The following ADCY5 variants were observed in gnomAD, a reference collection of about 807,000 sequenced individuals.
ADCY5 encodes the protein adenylate cyclase 5.
Under a neutral mutation model 119.7 loss-of-function variants are expected in ADCY5, and 30 were observed. The observed-to-expected ratio is 0.25, with a 90% CI of 0.19 to 0.34. The LOEUF (loss-of-function observed/expected upper bound fraction) is 0.34. Among genes scored for constraint, ADCY5 ranks in the 10% least tolerant of loss-of-function variants. ADCY5 has a pLI of 1.00. For synonymous variants in ADCY5, 753 were observed against 762.2 expected (o/e 0.99, Z 0.20); for missense variants, 1,324 against 1,775.2 (o/e 0.75, Z 4.57).
intron 1 of ADCY5, among the ~76,000 whole-genome samples, chr3:123,415,175 C>T (rs977455204): frequency 2.6e-5 from 4 of 152,164 alleles, no homozygotes; most frequent in African/African-American, 4.8e-5. Context: ...TCTGTAAACA[C>T]GGCTTAGGTT....
chr3:123,368,752 CAAA>C (rs34756449), intron 1 of ADCY5, among the ~76,000 whole-genome samples: 18 of 134,232 alleles, frequency 1.3e-4, no homozygotes, highest in African/African-American at 3.8e-4. Context: ...ACTGTGTCTC[CAAA>C]AAAAAAAAAA....
At chr3:123,443,783 G>T (rs895740307) in intron 1 of ADCY5, among the ~76,000 whole-genome samples, 1 of 152,150 alleles carries the variant, frequency 6.6e-6, no homozygotes, top group African/African-American at 2.4e-5. Context: ...ACCCATGCGG[G>T]GTCAGAATCT....
At chr3:123,312,951 C>T (rs1940665961) in intron 12 of ADCY5, among the ~76,000 whole-genome samples, 2 of 139,844 alleles carry the variant, frequency 1.4e-5, no homozygotes, top group South Asian at 2.1e-4. Flanking sequence ...GCAGGAGTGG[C>T]TGAACATGGG....
At chr3:123,368,663 G>T (rs1943534959) in intron 1 of ADCY5, among the ~76,000 whole-genome samples, 1 of 151,334 alleles carries the variant, frequency 6.6e-6, no homozygotes, top group African/African-American at 2.4e-5. Flanking sequence ...GAGGTGGGAG[G>T]ATTGCTTGAA....
chr3:123,418,453 C>T (rs1945231082), intron 1 of ADCY5, among the ~76,000 whole-genome samples: 1 of 152,174 alleles, frequency 6.6e-6, no homozygotes, highest in African/African-American at 2.4e-5. Context: ...AAGCATAGCA[C>T]CAGCATCTGC....
chr3:123,322,557 C>T (rs1415184289), intron 8 of ADCY5, among the ~76,000 whole-genome samples: 1 of 152,084 alleles, frequency 6.6e-6, no homozygotes, highest in Non-Finnish European at 1.5e-5. Flanking sequence ...ACAACAGAGC[C>T]GACTGGGCTC....
chr3:123,413,863 G>T (rs978863736), intron 1 of ADCY5, among the ~76,000 whole-genome samples: 1 of 152,114 alleles, frequency 6.6e-6, no homozygotes, highest in Admixed American at 6.5e-5. Flanking sequence ...ACAAAGGGGT[G>T]GGGGGGCTGC....
At chr3:123,354,376 T>C (rs1008767689) in intron 1 of ADCY5, among the ~76,000 whole-genome samples, 1 of 152,144 alleles carries the variant, frequency 6.6e-6, no homozygotes, top group African/African-American at 2.4e-5. Flanking sequence ...AAGACCTGCG[T>C]GTGGCTGGGA....
chr3:123,298,381 G>T (rs900428372), intron 15 of ADCY5, among the ~76,000 whole-genome samples: 1 of 152,192 alleles, frequency 6.6e-6, no homozygotes, highest in Non-Finnish European at 1.5e-5. Flanking sequence ...CGCCTGAAGA[G>T]GAGATGCTGA....
chr3:123,375,406 G>A (rs1576638134), intron 1 of ADCY5, among the ~76,000 whole-genome samples: 1 of 152,380 alleles, frequency 6.6e-6, no homozygotes, highest in South Asian at 2.1e-4. Flanking sequence ...GGCACTGGCA[G>A]GGCATGCTTC....
chr3:123,335,999 C>A (rs1233416675), intron 3 of ADCY5, among the ~76,000 whole-genome samples: 1 of 152,230 alleles, frequency 6.6e-6, no homozygotes, highest in Admixed American at 6.5e-5. Context: ...CAGGCCCTAT[C>A]CTGCCAGGCC....
rs530034709 is a variant in ADCY5, at chr3:123,293,230, C to T, written c.3064-1854G>A. Among the ~76,000 whole-genome samples the T allele has an allele frequency of 2.4e-4, 36 of 152,318 alleles. No individual in the cohort carries two copies. In the South Asian group the frequency reaches 4.6e-3, roughly 19 times the overall value. On this transcript the variant is annotated intron_variant, in intron 17 of 20. Coordinates refer to ENST00000462833, the MANE Select transcript of ADCY5 (RefSeq NM_183357.3). ...TTAGGCTAGGAGGGGGCCAGGCAGG[C>T]GCTAGGCGGGTCAGAGTGTGTTCCT...
intron 2 of ADCY5, among the ~76,000 whole-genome samples, chr3:123,349,440 G>A (rs1232109404): frequency 1.3e-5 from 2 of 151,972 alleles, no homozygotes; most frequent in Non-Finnish European, 2.9e-5. Flanking sequence ...TGCAGTTCTC[G>A]CCTGGCTCTT....
intron 1 of ADCY5, 71 bp downstream of exon 1, chr3:123,447,341 C>A (rs906479435): frequency 5.7e-6 from 8 of 1,399,796 alleles, no homozygotes; most frequent in African/African-American, 4.3e-5. Flanking sequence ...AGGGTGGGAT[C>A]CCTTTCTTTG....
At position 123,296,173 on chromosome 3, in the gene ADCY5, T is replaced by C. The variant is rs1179297295; in HGVS notation, c.2974A>G (p.Ile992Val). The C allele has an allele frequency of 1.2e-6, 2 of 1,613,922 alleles. No individual in the cohort carries two copies. The highest frequency in any genetic ancestry group is 8.5e-7 in the Non-Finnish European group (1 of 1,179,958). ...TKVALKVVTP[I>V]IISVFVLALY... Reference sequence around the variant, plus strand: ...GCCAGCACAAAGACTGAGATGATGATGGGCGTCACCACCTTCAATGCCACC... The same window carrying C: ...GCCAGCACAAAGACTGAGATGATGACGGGCGTCACCACCTTCAATGCCACC... Residue 992 changes from isoleucine (I) to valine (V), a missense_variant, in exon 17 of 21, where the codon ATC (isoleucine) becomes GTC (valine). This residue lies in a region of ADCY5 where 424 missense variants were observed against 546.8 expected (regional missense o/e 0.78). Coordinates refer to ENST00000462833, the MANE Select transcript of ADCY5 (RefSeq NM_183357.3).
intron 1 of ADCY5, among the ~76,000 whole-genome samples, chr3:123,367,206 A>G (rs1943474208): frequency 6.6e-6 from 1 of 152,310 alleles, no homozygotes; most frequent in East Asian, 1.9e-4. Context: ...TCCCCGGACC[A>G]GGCGTGGGAA....
intron 1 of ADCY5, among the ~76,000 whole-genome samples, chr3:123,412,116 G>A (rs1369747116): frequency 6.6e-6 from 1 of 152,214 alleles, no homozygotes; most frequent in Non-Finnish European, 1.5e-5. Context: ...ACATAGGGGA[G>A]GATGGGAAGA....
rs1939750243 is a variant in ADCY5, at chr3:123,300,044, C to G, written c.2900+76G>C. On this transcript the variant is annotated intron_variant, in intron 15 of 20. Coordinates refer to ENST00000462833, the MANE Select transcript of ADCY5 (RefSeq NM_183357.3). ...TCGCAAGTTCCCTGTGGTGCCAGAA[C>G]CCTAAACCTCCTGCTCTTGCCACCT... 24 of 1,513,632 alleles carry G rather than the reference C, an allele frequency of 1.6e-5. No homozygotes were observed. In the East Asian group the frequency reaches 5.2e-4, roughly 33 times the overall value. 93.8% of individuals were successfully genotyped at this position (1,513,632 alleles called of 1,614,324 possible).
intron 3 of ADCY5, among the ~76,000 whole-genome samples, chr3:123,341,685 T>C (rs887952899): frequency 3.3e-5 from 5 of 152,088 alleles, no homozygotes; most frequent in South Asian, 4.1e-4. Context: ...TAATTTTTTT[T>C]TTTAAAGACC....
Sources: allele counts gnomAD v4.1 joint callset (sites outside exome capture counted in the v4.1 genomes callset), GRCh38; gene constraint gnomAD v4.1.1; regional missense constraint gnomAD v4.1.1; transcripts MANE v1.5; gene names NCBI Gene and HGNC (gene_info 2026-07-23, HGNC 2026-07-21).